TRAK1: variants seen among roughly 807,000 people sequenced by gnomAD.
TRAK1 encodes trafficking kinesin protein 1, also known as trafficking kinesin-binding protein 1.
TRAK1 carries 33 observed loss-of-function variants against 92.1 expected under a neutral mutation model. The observed-to-expected ratio is 0.36, with a 90% CI of 0.27 to 0.48. The LOEUF (loss-of-function observed/expected upper bound fraction) is 0.48. TRAK1 is among the 20% of genes least tolerant of loss of function. The pLI, the probability that TRAK1 is intolerant of heterozygous loss-of-function variation, is 0.99. For missense variants in TRAK1, 1,123 were observed against 1,257.9 expected (o/e 0.89, Z 1.62); for synonymous variants, 521 against 517.3 (o/e 1.01, Z -0.10).
At chr3:42,152,492 C>T (rs1446021479) in intron 2 of TRAK1, among the ~76,000 whole-genome samples, 1 of 152,138 alleles carries the variant, frequency 6.6e-6, no homozygotes, top group Non-Finnish European at 1.5e-5. Context: ...AAGTCATCTG[C>T]TTATTAAAAA....
At chr3:42,098,010 C>T (rs1706190305) in intron 1 of TRAK1, among the ~76,000 whole-genome samples, 1 of 151,936 alleles carries the variant, frequency 6.6e-6, no homozygotes, top group African/African-American at 2.4e-5. Context: ...TTCCTTTCCT[C>T]CCTTCGTTTC....
chr3:42,191,376 C>G lies in TRAK1; in HGVS notation c.691-182C>G, dbSNP rs557826090. On this transcript the variant is annotated intron_variant, in intron 6 of 15. Transcript: ENST00000327628. ...CAGGTTTTCAGCTTTGAGTGCACAT[C>G]CATTATTAAGCTGGGAATTCAGATG... Among the ~76,000 whole-genome samples the G allele has an allele frequency of 8.5e-5, 13 of 152,300 alleles. No individual in the cohort carries two copies. The East Asian group carries it at 1.9e-3, about 23-fold the overall frequency.
At chr3:42,192,095 T>G (rs1043738281) in intron 7 of TRAK1, among the ~76,000 whole-genome samples, 1 of 151,988 alleles carries the variant, frequency 6.6e-6, no homozygotes, top group African/African-American at 2.4e-5. Context: ...AGAGGCAAGG[T>G]TTCACCATGT....
intron 1 of TRAK1, 148 bp from the exon 2 acceptor site, chr3:42,125,272 G>A (rs1395741770): frequency 2.9e-6 from 2 of 689,096 alleles, no homozygotes; most frequent in Non-Finnish European, 2.3e-6. Context: ...ATTTAAATTG[G>A]AAAAAGACTC....
intron 14 of TRAK1, chr3:42,217,953 T>G: frequency 1.0e-6 from 1 of 984,484 alleles, no homozygotes; most frequent in Middle Eastern, 5.2e-4. Context: ...TTTTATGTGT[T>G]TTTTTTTTCC....
chr3:42,064,823 C>T (rs1703606783), intron 1 of TRAK1, among the ~76,000 whole-genome samples: 1 of 152,104 alleles, frequency 6.6e-6, no homozygotes, highest in Non-Finnish European at 1.5e-5. Flanking sequence ...GAGGCCGAGG[C>T]GGGCAGATCA....
In TRAK1 at chr3:42,202,784, C is replaced by T. The variant is rs775665363; in HGVS notation, c.1744+32C>T. ...ACGCGGGGCCTCGGCCCCTCTCTGT[C>T]CTCCTGGGGGACTCCCTTTGGTCCC... On this transcript the variant is annotated intron_variant, in intron 13 of 15. Transcript: ENST00000327628. This position sits in a 1 kb window ranked among gnomAD's most constrained non-coding sequence, Gnocchi z 6.1. 2 of 1,610,736 alleles carry T rather than the reference C, an allele frequency of 1.2e-6. No homozygotes were observed. The highest frequency in any genetic ancestry group is 1.7e-6 in the Non-Finnish European group (2 of 1,177,688).
intron 14 of TRAK1, 143 bp from the exon 15 acceptor site, chr3:42,219,351 A>G (rs1710079627): frequency 1.2e-5 from 19 of 1,544,630 alleles, no homozygotes; most frequent in Non-Finnish European, 1.7e-5. Flanking sequence ...AATCCAGAAC[A>G]TTTGCGTTTC....
Position 42,223,607 on chromosome 3 carries a change from A to G in TRAK1, c.2732A>G (p.Asn911Ser), listed in dbSNP as rs114355738. 1.4e-3 allele frequency: 2,201 copies of G among 1,613,876 alleles called. 33 individuals carry two copies. The African/African-American group carries it at 0.026, about 19-fold the overall frequency. ...AGTGCCATCGGTGGGCTGCAGCTCA[A>G]TAGTGGCATCCGGCGGAATCGCAGC... ...VTSAIGGLQL[N>S]SGIRRNRSFP... is the part of the protein sequence containing the mutation. The change falls in exon 16 of 16, where the codon AAT becomes AGT. Residue 911 changes from asparagine (N) to serine (S), a missense_variant. Around this residue, in one of 3 missense-constraint regions of TRAK1, gnomAD observed 401 missense variants for 438.9 expected, o/e 0.91. Transcript: ENST00000327628. This position sits in a 1 kb window ranked among gnomAD's most constrained non-coding sequence, Gnocchi z 6.1.
Position 42,146,987 on chromosome 3 carries a change from C to A in TRAK1, c.286+21373C>A, listed in dbSNP as rs530826057. 8.7e-4 allele frequency among the ~76,000 whole-genome samples: 133 copies of A among 152,296 alleles called. 1 individual carries two copies. Among genetic ancestry groups the A allele is most frequent in the African/African-American group, 3.2e-3 (133 of 41,548 alleles). On this transcript the variant is annotated intron_variant, in intron 2 of 15. Coordinates refer to ENST00000327628, the MANE Select transcript of TRAK1 (RefSeq NM_001042646.3). The stretch of plus-strand genomic sequence containing the variant: ...CTATTTGCCTGTTTATAAGGCCCAT[C>A]ATCATCTTTTTAGAAATACCTTAAG...
intron 2 of TRAK1, among the ~76,000 whole-genome samples, chr3:42,136,510 G>A (rs1389114642): frequency 6.6e-6 from 1 of 152,002 alleles, no homozygotes; most frequent in Non-Finnish European, 1.5e-5. Flanking sequence ...TGTAGTCCTA[G>A]CTACTCAGGA....
At chr3:42,176,618 C>A (rs1410338501) in intron 2 of TRAK1, among the ~76,000 whole-genome samples, 196 bp from the exon 3 acceptor site, 1 of 152,242 alleles carries the variant, frequency 6.6e-6, no homozygotes, top group South Asian at 2.1e-4. Flanking sequence ...CCCCTACCCC[C>A]AGACTCATCC....
chr3:42,082,443 A>C (rs1704480846), upstream of TRAK1, among the ~76,000 whole-genome samples: 1 of 151,760 alleles, frequency 6.6e-6, no homozygotes, highest in East Asian at 1.9e-4. Flanking sequence ...TATCAAAAAT[A>C]AAAAATTAGC....
At chr3:42,104,928 C>G (rs1707309000) in intron 1 of TRAK1, among the ~76,000 whole-genome samples, 1 of 151,582 alleles carries the variant, frequency 6.6e-6, no homozygotes, top group Non-Finnish European at 1.5e-5. Context: ...TGTTCAAACC[C>G]ATTGCAAAGA....
intron 1 of TRAK1, among the ~76,000 whole-genome samples, chr3:42,052,022 G>A (rs1400096594): frequency 6.6e-6 from 1 of 152,178 alleles, no homozygotes; most frequent in Non-Finnish European, 1.5e-5. Context: ...CATGTGACCA[G>A]CTTTTGAATG....
intron 2 of TRAK1, among the ~76,000 whole-genome samples, chr3:42,157,332 G>A (rs1700651902): frequency 6.6e-6 from 1 of 151,248 alleles, no homozygotes; most frequent in Admixed American, 6.6e-5. Flanking sequence ...GGTGGCATGT[G>A]CCTGTGGTGC....
intron 1 of TRAK1, among the ~76,000 whole-genome samples, chr3:42,024,500 C>A (rs1701844979): frequency 6.6e-6 from 1 of 152,148 alleles, no homozygotes; most frequent in African/African-American, 2.4e-5. Context: ...CAGTGTTTAA[C>A]TTATGGCAGC....
chr3:42,054,038 G>C (rs78407969), intron 1 of TRAK1, among the ~76,000 whole-genome samples: 1 of 152,188 alleles, frequency 6.6e-6, no homozygotes, highest in South Asian at 2.1e-4. Context: ...AGTAGATTTA[G>C]TGAGCACCTG....
At chr3:42,159,806 C>G (rs1354592792) in intron 2 of TRAK1, among the ~76,000 whole-genome samples, 1 of 152,212 alleles carries the variant, frequency 6.6e-6, no homozygotes, top group Non-Finnish European at 1.5e-5. Flanking sequence ...TCAGATTTGT[C>G]TCCACATCTT....
Sources: allele counts gnomAD v4.1 joint callset (sites outside exome capture counted in the v4.1 genomes callset), GRCh38; gene constraint gnomAD v4.1.1; regional missense constraint gnomAD v4.1.1; non-coding constraint Gnocchi (gnomAD v3.1); transcripts MANE v1.5; gene names NCBI Gene and HGNC (gene_info 2026-07-23, HGNC 2026-07-21).